Variants in GLRA2 observed in about 807,000 individuals in gnomAD.
GLRA2 encodes glycine receptor alpha 2, also known as glycine receptor subunit alpha-2.
A neutral mutation model predicts 31.6 loss-of-function variants in GLRA2; 11 were observed. The ratio of observed to expected loss-of-function variants is 0.35; its 90% confidence interval spans 0.22 to 0.58. The LOEUF is 0.58. Ranked by LOEUF, GLRA2 falls within the 20% of genes least tolerant of loss-of-function variation. GLRA2 has a pLI of 0.84. For missense variants in GLRA2, 212 were observed against 351.8 expected (o/e 0.60, Z 3.18); for synonymous variants, 132 against 134.0 (o/e 0.99, Z 0.10).
chrX:14,654,126 T>C (rs997370120), intron 7 of GLRA2, among the ~76,000 whole-genome samples: 2 of 110,895 alleles, frequency 1.8e-5, no homozygotes, highest in African/African-American at 6.6e-5. Flanking sequence ...CCCTGTCTCT[T>C]AAAGAAACAA....
At chrX:14,459,819 A>G in the GLRA2 span, among the ~76,000 whole-genome samples, 1 of 112,075 alleles carries the variant, frequency 8.9e-6, no homozygotes, top group African/African-American at 3.2e-5. Context: ...ATCTGCAAAC[A>G]GAGACAATTT....
At chrX:14,482,794 G>T in the GLRA2 span, among the ~76,000 whole-genome samples, 2 of 110,259 alleles carry the variant, frequency 1.8e-5, no homozygotes, top group Admixed American at 9.7e-5. Flanking sequence ...TCATCATAGG[G>T]TATTTTTTAT....
chrX:14,730,594 GAGGGAGGGTCAT>G lies in GLRA2; in HGVS notation c.*110_*121del. 3.7e-5 allele frequency: 4 copies of G among 108,949 alleles called. No individual in the cohort carries two copies. Among genetic ancestry groups the G allele is most frequent in the South Asian group, 2.8e-4 (1 of 3,585 alleles). 9.0% of individuals were successfully genotyped at this position (108,949 alleles called of 1,213,427 possible). On this transcript the variant is annotated 3_prime_UTR_variant, in exon 9 of 9. Coordinates refer to ENST00000218075, the MANE Select transcript of GLRA2 (RefSeq NM_002063.4). ...CAGAGGAGAAGATTGAGGGAGGGGG[GAGGGAGGGTCAT>G]GGGGGTGGGTTTCCTGGCACCTACA...
chrX:14,521,750 A>ACCT, the GLRA2 span, among the ~76,000 whole-genome samples: 1 of 112,318 alleles, frequency 8.9e-6, no homozygotes, highest in African/African-American at 3.2e-5. Flanking sequence ...GAGTCATACA[A>ACCT]ATTTTTTGGT....
At chrX:14,625,166 C>T (rs1315223514) in intron 7 of GLRA2, among the ~76,000 whole-genome samples, 1 of 111,040 alleles carries the variant, frequency 9.0e-6, no homozygotes, top group African/African-American at 3.3e-5. Context: ...ACTAGGATTG[C>T]AACCCCTGCT....
At chrX:14,487,934 G>A in the GLRA2 span, among the ~76,000 whole-genome samples, 4 of 111,905 alleles carry the variant, frequency 3.6e-5, no homozygotes, top group Admixed American at 9.5e-5. Context: ...CCTCCATAGA[G>A]CAGAATCTGG....
chrX:14,500,667 G>A, the GLRA2 span, among the ~76,000 whole-genome samples: 1 of 111,944 alleles, frequency 8.9e-6, no homozygotes, highest in African/African-American at 3.2e-5. Context: ...AGTTTTCTGT[G>A]CATTTAGTGA....
intron 7 of GLRA2, among the ~76,000 whole-genome samples, chrX:14,662,829 A>C (rs1370315505): frequency 1.8e-5 from 2 of 112,280 alleles, no homozygotes; most frequent in Non-Finnish European, 3.8e-5. Context: ...CATTTGTTCA[A>C]ATCAACTTTT....
chrX:14,569,265 A>C (rs1475238865), intron 2 of GLRA2, among the ~76,000 whole-genome samples: 3 of 112,071 alleles, frequency 2.7e-5, no homozygotes, highest in Admixed American at 9.5e-5. Context: ...AAAAAAGAAA[A>C]AAACAAACAA....
chrX:14,646,177 G>A (rs887731163), intron 7 of GLRA2, among the ~76,000 whole-genome samples: 19 of 112,145 alleles, frequency 1.7e-4, no homozygotes, highest in African/African-American at 6.2e-4. Context: ...TATACATGAA[G>A]AAATTAAAGC....
intron 7 of GLRA2, among the ~76,000 whole-genome samples, chrX:14,638,844 CCAAA>C (rs1179170319): frequency 3.6e-5 from 4 of 111,261 alleles, no homozygotes; most frequent in South Asian, 7.4e-4. Context: ...ATATTAAAAG[CCAAA>C]CAGAGTAAAT....
chrX:14,482,187 C>T, the GLRA2 span, among the ~76,000 whole-genome samples: 3,204 of 111,482 alleles, frequency 0.029, 63 homozygotes, highest in Non-Finnish European at 0.048. Context: ...GCCTGGTGAA[C>T]ACAATTCAAA....
the GLRA2 span, among the ~76,000 whole-genome samples, chrX:14,462,208 G>A: frequency 3.6e-5 from 4 of 111,916 alleles, no homozygotes; most frequent in South Asian, 7.5e-4. Flanking sequence ...GGTTTCTGCC[G>A]AGAGATCAGC....
chrX:14,480,307 G>A, the GLRA2 span, among the ~76,000 whole-genome samples: 2 of 111,749 alleles, frequency 1.8e-5, no homozygotes, highest in Non-Finnish European at 3.8e-5. Context: ...CTCCAATTCC[G>A]TAGGTTGTTT....
chrX:14,597,349 C>CT (rs759948567), intron 4 of GLRA2, among the ~76,000 whole-genome samples: 7 of 112,108 alleles, frequency 6.2e-5, no homozygotes, highest in Non-Finnish European at 9.4e-5. Flanking sequence ...GTTACTTGCA[C>CT]TTAAAGTTTT....
At chrX:14,460,233 T>G in the GLRA2 span, among the ~76,000 whole-genome samples, 3 of 111,857 alleles carry the variant, frequency 2.7e-5, no homozygotes, top group African/African-American at 9.8e-5. Context: ...GATTTGATTG[T>G]GGTGGATAAG....
the GLRA2 span, among the ~76,000 whole-genome samples, chrX:14,523,698 G>A: frequency 9.0e-6 from 1 of 111,471 alleles, no homozygotes; most frequent in Non-Finnish European, 1.9e-5. Flanking sequence ...AAAACAGGGA[G>A]AGAAATGAGA....
At chrX:14,715,185 T>C (rs1428846510) in intron 8 of GLRA2, among the ~76,000 whole-genome samples, 2 of 112,290 alleles carry the variant, frequency 1.8e-5, no homozygotes, top group African/African-American at 3.2e-5. Flanking sequence ...TTTCACACTA[T>C]GTGGCTGCTC....
chrX:14,596,059 A>G (rs3027372), intron 4 of GLRA2, among the ~76,000 whole-genome samples: 4,124 of 111,216 alleles, frequency 0.037, 125 homozygotes, highest in African/African-American at 0.097. Context: ...ACCTAGAGCT[A>G]GTCTTCCCAT....
Sources: allele counts gnomAD v4.1 joint callset (sites outside exome capture counted in the v4.1 genomes callset), GRCh38; gene constraint gnomAD v4.1.1; transcripts MANE v1.5; gene names NCBI Gene and HGNC (gene_info 2026-07-23, HGNC 2026-07-21).